FARS2: variants seen among roughly 807,000 people sequenced by gnomAD.
FARS2 encodes the protein phenylalanyl-tRNA synthetase 2, mitochondrial.
A neutral mutation model predicts 46.4 loss-of-function variants in FARS2; 40 were observed. That is an observed-to-expected ratio of 0.86 (90% CI 0.67 to 1.12). The LOEUF (loss-of-function observed/expected upper bound fraction) is 1.12. Among genes scored for constraint, FARS2 ranks in the 50% most tolerant of loss-of-function variants. FARS2 has a pLI of 0.00. For synonymous variants in FARS2, 234 were observed against 214.9 expected (o/e 1.09, Z -0.78); for missense variants, 513 against 567.9 (o/e 0.90, Z 0.98).
At chr6:5,753,198 A>T (rs1454708371) in intron 6 of FARS2, among the ~76,000 whole-genome samples, 1 of 152,170 alleles carries the variant, frequency 6.6e-6, no homozygotes, top group African/African-American at 2.4e-5. Flanking sequence ...TTGTGTGAAA[A>T]CATTATGAAT....
At chr6:5,288,871 T>C (rs1767312272) in intron 1 of FARS2, among the ~76,000 whole-genome samples, 2 of 152,250 alleles carry the variant, frequency 1.3e-5, no homozygotes, top group Admixed American at 6.5e-5. Flanking sequence ...TTTTTGAGTC[T>C]GGTTTCTCCA....
intron 4 of FARS2, among the ~76,000 whole-genome samples, chr6:5,468,158 A>G (rs1765615283): frequency 6.6e-6 from 1 of 152,196 alleles, no homozygotes; most frequent in South Asian, 2.1e-4. Context: ...AACTCTTTTA[A>G]GAGCTTCAGT....
chr6:5,299,216 A>G (rs554922643), intron 1 of FARS2, among the ~76,000 whole-genome samples: 3 of 152,322 alleles, frequency 2.0e-5, no homozygotes, highest in East Asian at 1.9e-4. Context: ...ATCTGTGCTG[A>G]TATTTCTGAT....
chr6:5,485,196 CCTT>C (rs771205945), intron 4 of FARS2, among the ~76,000 whole-genome samples: 48 of 152,100 alleles, frequency 3.2e-4, no homozygotes, highest in Non-Finnish European at 6.2e-4. Flanking sequence ...AGCTGCCTCT[CCTT>C]TGATGTAGCA....
intron 5 of FARS2, among the ~76,000 whole-genome samples, chr6:5,596,803 A>G (rs2150620766): frequency 6.6e-6 from 1 of 152,336 alleles, no homozygotes; most frequent in African/African-American, 2.4e-5. Context: ...AACCAGTGGA[A>G]TCCAAAATTT....
chr6:5,546,519 G>T (rs1420535593), intron 5 of FARS2, among the ~76,000 whole-genome samples: 4 of 151,680 alleles, frequency 2.6e-5, no homozygotes, highest in Admixed American at 1.3e-4. Flanking sequence ...CGAAGTGCTG[G>T]GATTACAGGA....
intron 3 of FARS2, among the ~76,000 whole-genome samples, chr6:5,417,092 CAGA>C (rs1193689811): frequency 6.6e-6 from 1 of 152,186 alleles, no homozygotes; most frequent in Non-Finnish European, 1.5e-5. Context: ...TTCTGCACAG[CAGA>C]AGGTCTGCTT....
intron 5 of FARS2, among the ~76,000 whole-genome samples, chr6:5,547,251 CT>C (rs1236775219): frequency 1.3e-5 from 2 of 152,144 alleles, no homozygotes; most frequent in African/African-American, 4.8e-5. Flanking sequence ...TGCGCCCGGC[CT>C]CATAATGGTT....
intron 6 of FARS2, among the ~76,000 whole-genome samples, chr6:5,645,867 C>A (rs1351449764): frequency 6.6e-6 from 1 of 152,140 alleles, no homozygotes; most frequent in African/African-American, 2.4e-5. Context: ...CAACAAAGAA[C>A]CTTTTCAGTG....
chr6:5,435,659 A>G (rs898692031), intron 4 of FARS2, among the ~76,000 whole-genome samples: 3 of 152,140 alleles, frequency 2.0e-5, no homozygotes, highest in African/African-American at 7.2e-5. Context: ...CTTGCCTCCC[A>G]CTGGGTTGAC....
intron 6 of FARS2, among the ~76,000 whole-genome samples, chr6:5,714,467 T>C (rs895669372): frequency 6.6e-6 from 1 of 152,070 alleles, no homozygotes; most frequent in African/African-American, 2.4e-5. Flanking sequence ...TGTGGCTCAG[T>C]TGGTCTTCTT....
chr6:5,576,561 TATAGAG>T (rs1772977496), intron 5 of FARS2, among the ~76,000 whole-genome samples: 1 of 147,982 alleles, frequency 6.8e-6, no homozygotes, highest in Non-Finnish European at 1.5e-5. Flanking sequence ...ATATATCATA[TATAGAG>T]TATATATCTA....
At chr6:5,482,957 G>A (rs577578013) in intron 4 of FARS2, among the ~76,000 whole-genome samples, 1 of 152,228 alleles carries the variant, frequency 6.6e-6, no homozygotes, top group South Asian at 2.1e-4. Flanking sequence ...GGAATTGCTG[G>A]AGCTCTGACT....
At chr6:5,322,707 G>C (rs1332927335) in intron 1 of FARS2, among the ~76,000 whole-genome samples, 3 of 152,232 alleles carry the variant, frequency 2.0e-5, no homozygotes, top group Non-Finnish European at 4.4e-5. Flanking sequence ...TTGCAGAGAC[G>C]TGACCTTTGG....
chr6:5,415,259 G>C (rs1467205039), intron 3 of FARS2, among the ~76,000 whole-genome samples: 1 of 150,900 alleles, frequency 6.6e-6, no homozygotes, highest in African/African-American at 2.4e-5. Context: ...CATTCTGATA[G>C]GAGTGTAGTG....
Position 5,389,515 on chromosome 6 carries a change from A to G in FARS2, c.613-15027A>G, listed in dbSNP as rs138994408. 1.3e-4 allele frequency among the ~76,000 whole-genome samples: 20 copies of G among 152,268 alleles called. No homozygotes were observed. The East Asian group carries it at 3.9e-3, about 29-fold the overall frequency. On this transcript the variant is annotated intron_variant, in intron 2 of 6. Coordinates refer to ENST00000274680, the MANE Select transcript of FARS2 (RefSeq NM_006567.5). ...TCTTGGGTCATCTCTTCACTGCTCA[A>G]GTCACTTGTACTTGCGTTTGGTATT...
intron 6 of FARS2, among the ~76,000 whole-genome samples, chr6:5,750,245 G>A (rs780572212): frequency 2.6e-5 from 4 of 152,026 alleles, no homozygotes; most frequent in Admixed American, 6.6e-5. Flanking sequence ...AGGAATGAGC[G>A]GGAATTGATG....
intron 4 of FARS2, among the ~76,000 whole-genome samples, chr6:5,441,218 A>G (rs1268535240): frequency 6.6e-6 from 1 of 151,982 alleles, no homozygotes; most frequent in Non-Finnish European, 1.5e-5. Context: ...CACTGCGCCC[A>G]GCCACTCAGT....
intron 2 of FARS2, among the ~76,000 whole-genome samples, chr6:5,378,244 G>GAACCACTGTCCTCAAACCACTGTCCTC (rs1554170520): frequency 4.7e-4 from 72 of 152,172 alleles, no homozygotes; most frequent in African/African-American, 7.2e-4. Flanking sequence ...ACACGTTTGA[G>GAACCACTGTCCTCAAACCACTGTCCTC]AACCACTGTC....
Sources: gnomAD v4.1 joint callset for allele counts (sites outside exome capture counted in the v4.1 genomes callset) on GRCh38, gnomAD v4.1.1 for gene constraint, MANE v1.5 for transcripts, NCBI Gene and HGNC (gene_info 2026-07-23, HGNC 2026-07-21) for gene names.